The following NKTR variants were observed in gnomAD, a reference collection of about 807,000 sequenced individuals.
The protein encoded by NKTR is NK-tumor recognition protein.
NKTR carries 67 observed loss-of-function variants against 156.3 expected under a neutral mutation model. The ratio of observed to expected loss-of-function variants is 0.43; its 90% CI spans 0.35 to 0.53. The LOEUF is 0.53. Ranked by LOEUF, NKTR falls within the 20% of genes least tolerant of loss-of-function variation. The pLI, the probability that NKTR is intolerant of heterozygous loss-of-function variation, is 0.01. For synonymous variants in NKTR, 640 were observed against 596.6 expected (o/e 1.07, Z -1.06); for missense variants, 1,604 against 1,730.9 (o/e 0.93, Z 1.30).
intron 16 of NKTR, 47 bp downstream of exon 16, chr3:42,644,050 T>G: frequency 7.7e-7 from 1 of 1,291,026 alleles, no homozygotes; most frequent in South Asian, 1.2e-5. Context: ...TAGGCCACGG[T>G]GGGCACTTGA....
At chr3:42,623,628 C>G (rs1267556709) in intron 6 of NKTR, 2 of 151,902 alleles carry the variant, frequency 1.3e-5, no homozygotes, top group African/African-American at 4.8e-5. Flanking sequence ...TTTACAAGCC[C>G]AAAGCCTTTT....
chr3:42,609,011 A>G (rs1424280459), intron 2 of NKTR, among the ~76,000 whole-genome samples: 1 of 152,070 alleles, frequency 6.6e-6, no homozygotes, highest in African/African-American at 2.4e-5. Context: ...ACCTGTAATC[A>G]CAGCTACTCA....
At chr3:42,627,632 G>A in intron 6 of NKTR, 1 of 985,088 alleles carries the variant, frequency 1.0e-6, no homozygotes, top group Non-Finnish European at 1.2e-6. Flanking sequence ...TTGCACACAT[G>A]TTTTTTAAAG....
chr3:42,643,462 G>T, intron 15 of NKTR, 67 bp downstream of exon 15: 2 of 1,287,660 alleles, frequency 1.6e-6, no homozygotes, highest in Non-Finnish European at 2.3e-6. Context: ...TAAACTGTTT[G>T]TTCAAAGTGG....
At chr3:42,629,709 T>C (rs1708719863) in intron 6 of NKTR, 1 of 983,480 alleles carries the variant, frequency 1.0e-6, no homozygotes, top group Non-Finnish European at 1.2e-6. Flanking sequence ...CTTTTGAATT[T>C]TTTCCACTGC....
intron 7 of NKTR, 24 bp downstream of exon 7, chr3:42,630,599 T>C (rs923281221): frequency 1.9e-6 from 3 of 1,613,488 alleles, no homozygotes; most frequent in East Asian, 2.2e-5. Flanking sequence ...TCTTACTACA[T>C]TGGGGAAGTG....
intron 13 of NKTR, 91 bp from the exon 14 acceptor site, chr3:42,642,409 TG>T: frequency 1.1e-6 from 1 of 908,010 alleles, no homozygotes. Flanking sequence ...TTCTTCTTGT[TG>T]TGTTTTCCCC....
At chr3:42,628,968 C>T (rs1708649515) in intron 6 of NKTR, 1 of 456,740 alleles carries the variant, frequency 2.2e-6, no homozygotes, top group South Asian at 9.3e-5. Context: ...TGCCATCGCA[C>T]TCTAGCCTGG....
chr3:42,637,403 C>T lies in NKTR; in HGVS notation c.1699C>T (p.Pro567Ser). 1 of 1,613,284 alleles carries T rather than the reference C, an allele frequency of 6.2e-7. No individual in the cohort carries two copies. Among genetic ancestry groups the T allele is most frequent in the Non-Finnish European group, 8.5e-7 (1 of 1,179,818 alleles). ...GCACCGAAAGAGAGCATCAAAATCA[C>T]CAAGAAAAACAGCTTCTCAGTTAAG... ...SGHRKRASKS[P>S]RKTASQLSEN... The change falls in exon 13 of 17, where the codon CCA (proline) becomes TCA (serine). Residue 567 changes from proline to serine, a missense_variant. Coordinates refer to ENST00000232978, the MANE Select transcript of NKTR (RefSeq NM_005385.4).
Position 42,638,135 on chromosome 3 carries a change from A to G in NKTR, c.2431A>G (p.Ser811Gly). ...ATCATCTTTAGATTATTCTTCAGAC[A>G]GTGAGCAGTCAAGTGTTCAGGCCAC... is the stretch of plus-strand genomic sequence containing the variant. ...SRSSLDYSSDSEQSSVQATQS... is the reference protein window; with the variant it reads ...SRSSLDYSSDGEQSSVQATQS... Residue 811 changes from serine to glycine, a missense_variant, in exon 13 of 17, where the codon AGT becomes GGT. Physicochemically the swap from Ser to Gly is moderately conservative, Grantham distance 56. Transcript: ENST00000232978. 6.2e-7 allele frequency: 1 copy of G among 1,613,856 alleles called. No individual in the cohort carries two copies. The highest frequency in any genetic ancestry group is 8.5e-7 in the Non-Finnish European group (1 of 1,179,954).
chr3:42,631,139 A>G (rs1410191642), intron 7 of NKTR, 32 bp from the exon 8 acceptor site: 1 of 1,611,122 alleles, frequency 6.2e-7, no homozygotes, highest in Non-Finnish European at 8.5e-7. Context: ...TAATTATCAA[A>G]CCAGTTGTTT....
At chr3:42,617,822 A>G (rs1315782995) in intron 3 of NKTR, among the ~76,000 whole-genome samples, 178 bp downstream of exon 3, 1 of 152,190 alleles carries the variant, frequency 6.6e-6, no homozygotes, top group African/African-American at 2.4e-5. Flanking sequence ...TCTTAAGGGG[A>G]AGAGATTAGA....
At chr3:42,633,115 C>G in intron 9 of NKTR, 1 of 664,628 alleles carries the variant, frequency 1.5e-6, no homozygotes, top group Non-Finnish European at 2.0e-6. Flanking sequence ...TTATAGCTCA[C>G]TGCATCCTCC....
intron 2 of NKTR, among the ~76,000 whole-genome samples, chr3:42,606,767 G>A (rs1706274453): frequency 6.6e-6 from 1 of 151,922 alleles, no homozygotes; most frequent in Admixed American, 6.5e-5. Context: ...CAGCACTTTG[G>A]GAGGCCAAGG....
chr3:42,637,784 A>G lies in NKTR; in HGVS notation c.2080A>G (p.Ser694Gly). The change falls in exon 13 of 17, where the codon AGC becomes GGC. Residue 694 changes from serine (S) to glycine (G), a missense_variant. Ser to Gly is a moderately conservative substitution (Grantham distance 56). Coordinates refer to ENST00000232978, the MANE Select transcript of NKTR (RefSeq NM_005385.4). The stretch of plus-strand genomic sequence containing the variant: ...TTCAGAAAGCTCACCAAGGTCAAGG[A>G]GCAGATCTTCTAGGAGTAGATCTTA... Reference protein sequence around the residue: ...RSSESSPRSRSRSSRSRSYSR... With the variant: ...RSSESSPRSRGRSSRSRSYSR... 1.2e-6 allele frequency: 2 copies of G among 1,613,940 alleles called. No individual in the cohort carries two copies. The highest frequency in any genetic ancestry group is 1.7e-6 in the Non-Finnish European group (2 of 1,179,974).
intron 1 of NKTR, 55 bp from the exon 2 acceptor site, chr3:42,600,929 C>A: frequency 8.8e-7 from 1 of 1,140,484 alleles, no homozygotes; most frequent in Non-Finnish European, 1.2e-6. Flanking sequence ...CTCGCCCCTG[C>A]CCTCGCCCCC....
chr3:42,643,602 T>G, intron 15 of NKTR: 1 of 624,988 alleles, frequency 1.6e-6, no homozygotes, highest in Non-Finnish European at 2.9e-6. Flanking sequence ...TATCAAATTG[T>G]AATGGCAGGT....
At chr3:42,630,931 A>G (rs1325218355) in intron 7 of NKTR, 4 of 1,385,568 alleles carry the variant, frequency 2.9e-6, no homozygotes, top group Non-Finnish European at 2.8e-6. Context: ...CAGACTCTTT[A>G]CCCTAAAATG....
intron 6 of NKTR, chr3:42,627,796 C>T (rs532504771): frequency 1.0e-6 from 1 of 984,618 alleles, no homozygotes; most frequent in East Asian, 1.1e-4. Flanking sequence ...TAAATTTAAA[C>T]ATTTTTGATA....
Sources: allele counts gnomAD v4.1 joint callset (sites outside exome capture counted in the v4.1 genomes callset), GRCh38; gene constraint gnomAD v4.1.1; transcripts MANE v1.5; gene names NCBI Gene and HGNC (gene_info 2026-07-23, HGNC 2026-07-21).